Variants in KCNMA1 observed in about 807,000 individuals in gnomAD.
KCNMA1 encodes potassium calcium-activated channel subfamily M alpha 1.
KCNMA1 carries 29 observed loss-of-function variants against 140.0 expected under a neutral mutation model. The ratio of observed to expected loss-of-function variants is 0.21; its 90% confidence interval spans 0.15 to 0.28. KCNMA1 has a LOEUF of 0.28. Ranked by LOEUF, KCNMA1 falls within the 10% of genes least tolerant of loss-of-function variation. The pLI, the probability that KCNMA1 is intolerant of heterozygous loss-of-function variation, is 1.00. For synonymous variants in KCNMA1, 612 were observed against 611.9 expected (o/e 1.00, Z 0.00); for missense variants, 880 against 1,602.2 (o/e 0.55, Z 7.70).
At position 77,019,072 on chromosome 10, in the gene KCNMA1, A is replaced by C; in HGVS notation, c.1956T>G (p.Leu652=). 6.3e-7 allele frequency: 1 copy of C among 1,588,166 alleles called. No homozygotes were observed. Among genetic ancestry groups the C allele is most frequent in the Non-Finnish European group, 8.6e-7 (1 of 1,156,640 alleles). ...SRILINPGNH[L]KIQEGTLGFF... is the part of the protein sequence containing the mutation. Reference sequence around the variant, plus strand: ...ATCCTAAAGTACCTTCTTGGATCTTAAGATGGTTTCCAGGATTAATTAATA... The same window carrying C: ...ATCCTAAAGTACCTTCTTGGATCTTCAGATGGTTTCCAGGATTAATTAATA... Residue 652 remains leucine, a synonymous_variant, in exon 17 of 28, where the codon CTT becomes CTG. Transcript: ENST00000286628.
At chr10:77,533,909 A>G (rs2058285601) in intron 1 of KCNMA1, among the ~76,000 whole-genome samples, 1 of 152,156 alleles carries the variant, frequency 6.6e-6, no homozygotes, top group Non-Finnish European at 1.5e-5. Context: ...TCTTAGCTCC[A>G]TGCCTGAATG....
chr10:77,419,867 C>T (rs1009776973), intron 1 of KCNMA1, among the ~76,000 whole-genome samples: 7 of 152,132 alleles, frequency 4.6e-5, no homozygotes, highest in Non-Finnish European at 1.0e-4. Flanking sequence ...GTCATTGGTC[C>T]CAGTGGCCAA....
chr10:77,426,854 C>T (rs922829008), intron 1 of KCNMA1, among the ~76,000 whole-genome samples: 2 of 152,222 alleles, frequency 1.3e-5, no homozygotes, highest in African/African-American at 2.4e-5. Context: ...TCCAGGGCCA[C>T]GCTTTCCAAC....
At chr10:76,964,536 T>C (rs1390270683) in intron 20 of KCNMA1, among the ~76,000 whole-genome samples, 3 of 152,150 alleles carry the variant, frequency 2.0e-5, no homozygotes, top group Non-Finnish European at 4.4e-5. Context: ...TCTCCAGTCC[T>C]GGGGGAGGCC....
intron 2 of KCNMA1, among the ~76,000 whole-genome samples, chr10:77,385,164 A>C (rs2095558304): frequency 6.6e-6 from 1 of 152,206 alleles, no homozygotes; most frequent in Non-Finnish European, 1.5e-5. Context: ...CCAGATACTC[A>C]ATAAGATTAT....
intron 5 of KCNMA1, among the ~76,000 whole-genome samples, chr10:77,168,409 TTAGACAAACCTAGATTGTA>T (rs1266245407): frequency 6.6e-6 from 1 of 152,142 alleles, no homozygotes; most frequent in African/African-American, 2.4e-5. Context: ...TAAAGTACAC[TTAGACAAACCTAGATTGTA>T]TAGCCTCCTA....
chr10:76,889,475 C>A lies in KCNMA1; in HGVS notation c.3437G>T (p.Ser1146Ile). ...GIYRLRDAHL[S>I]TPSQCTKRYV... Reference sequence around the variant, plus strand: ...CCTCTTTGTGCACTGACTGGGGGTGCTGAGGTGAGCATCTCTCAGCCGGTA... The same window carrying A: ...CCTCTTTGTGCACTGACTGGGGGTGATGAGGTGAGCATCTCTCAGCCGGTA... The change falls in exon 27 of 28, where the codon AGC (serine) becomes ATC (isoleucine). Residue 1146 changes from serine to isoleucine, a missense_variant. Physicochemically the swap from Ser to Ile is moderately radical, Grantham distance 142. Coordinates refer to ENST00000286628, the MANE Select transcript of KCNMA1 (RefSeq NM_001161352.2). 1 of 1,613,182 alleles carries A rather than the reference C, an allele frequency of 6.2e-7. No individual in the cohort carries two copies. The highest frequency in any genetic ancestry group is 1.3e-5 in the African/African-American group (1 of 75,000).
At chr10:76,997,535 C>A (rs2084787720) in intron 19 of KCNMA1, among the ~76,000 whole-genome samples, 2 of 152,182 alleles carry the variant, frequency 1.3e-5, no homozygotes, top group African/African-American at 2.4e-5. Flanking sequence ...ATCAGTATGG[C>A]CCTACGTTGC....
chr10:77,522,879 C>T (rs965376826), intron 1 of KCNMA1, among the ~76,000 whole-genome samples: 2 of 152,208 alleles, frequency 1.3e-5, no homozygotes, highest in Non-Finnish European at 1.5e-5. Context: ...GAGTAAGCTT[C>T]ATACATTAAA....
chr10:76,996,903 G>A (rs2153380867), intron 19 of KCNMA1, among the ~76,000 whole-genome samples: 1 of 152,228 alleles, frequency 6.6e-6, no homozygotes, highest in Non-Finnish European at 1.5e-5. Flanking sequence ...GATAATTATA[G>A]GCTGTTGATT....
At chr10:77,347,679 AGG>A (rs757942783) in intron 2 of KCNMA1, among the ~76,000 whole-genome samples, 26 of 152,328 alleles carry the variant, frequency 1.7e-4, no homozygotes, top group South Asian at 1.2e-3. Flanking sequence ...ATAAAACAAT[AGG>A]GCTTTGTGAC....
chr10:76,900,620 T>A (rs934069713), intron 25 of KCNMA1, among the ~76,000 whole-genome samples: 2 of 152,156 alleles, frequency 1.3e-5, no homozygotes, highest in African/African-American at 2.4e-5. Context: ...AATCTCAAGA[T>A]GCTTGATAGT....
rs112871114 is a variant in KCNMA1 at position 77,381,238 on chromosome 10, G to A, written c.540+22624C>T. ...TTATGGAGTTAGTTTGGATTTTAGT[G>A]GAGACAGGGGAAGATAGATGATAAG... On this transcript the variant is annotated intron_variant, in intron 2 of 27. Transcript: ENST00000286628. Among the ~76,000 whole-genome samples the A allele has an allele frequency of 4.8e-3, 733 of 152,216 alleles. 8 individuals are homozygous for A. The highest frequency in any genetic ancestry group is 0.017 in the African/African-American group (694 of 41,544).
chr10:77,220,613 T>G (rs921284658), intron 3 of KCNMA1, among the ~76,000 whole-genome samples: 2 of 152,170 alleles, frequency 1.3e-5, no homozygotes, highest in Non-Finnish European at 2.9e-5. Context: ...TTTCAAGGGG[T>G]CTTTTCTAGA....
chr10:77,027,101 T>A (rs1340505107), intron 16 of KCNMA1, among the ~76,000 whole-genome samples: 1 of 152,204 alleles, frequency 6.6e-6, no homozygotes, highest in Non-Finnish European at 1.5e-5. Context: ...AAAAAAATCA[T>A]CTCTATTTTA....
chr10:77,284,852 T>A (rs1406502112), intron 2 of KCNMA1, among the ~76,000 whole-genome samples: 1 of 152,046 alleles, frequency 6.6e-6, no homozygotes, highest in African/African-American at 2.4e-5. Flanking sequence ...TAAATGCCAG[T>A]GTCATTCTTC....
chr10:77,386,381 A>T (rs187339986), intron 2 of KCNMA1, among the ~76,000 whole-genome samples: 109 of 152,344 alleles, frequency 7.2e-4, no homozygotes, highest in Admixed American at 1.6e-3. Flanking sequence ...AATTCCCATT[A>T]TGCTGGAAGG....
In KCNMA1 at chr10:77,084,661, G is replaced by C; in HGVS notation, c.1499C>G (p.Ala500Gly). Residue 500 changes from alanine (A) to glycine (G), a missense_variant, in exon 12 of 28, where the codon GCG becomes GGG. Ala to Gly is a moderately conservative substitution (Grantham distance 60). Transcript: ENST00000286628. ...CCTCATGATATTCGAGGCATCCTCC[G>C]CATCCGGGTCAGCGCAGTACTTGTT... ...LANKYCADPD[A>G]EDASNIMRVI... is the part of the protein sequence containing the mutation. 1 of 1,614,034 alleles carries C rather than the reference G, an allele frequency of 6.2e-7. No homozygotes were observed. The highest frequency in any genetic ancestry group is 1.7e-5 in the Admixed American group (1 of 60,004).
intron 1 of KCNMA1, among the ~76,000 whole-genome samples, chr10:77,632,718 T>C (rs992776914): frequency 1.3e-5 from 2 of 152,228 alleles, no homozygotes; most frequent in Admixed American, 1.3e-4. Context: ...GTCTGCGCCC[T>C]TCAGGGGCTA....
Sources: allele counts gnomAD v4.1 joint callset (sites outside exome capture counted in the v4.1 genomes callset), GRCh38; gene constraint gnomAD v4.1.1; transcripts MANE v1.5; gene names NCBI Gene and HGNC (gene_info 2026-07-23, HGNC 2026-07-21).